Variants in EFHC1 observed in about 807,000 individuals in gnomAD.
The protein encoded by EFHC1 is EF-hand domain-containing protein 1.
A neutral mutation model predicts 69.9 loss-of-function variants in EFHC1; 53 were observed. That is an observed-to-expected ratio of 0.76 (90% CI 0.61 to 0.95). The LOEUF is 0.95. EFHC1 is among the 40% of genes least tolerant of loss of function. The pLI is 0.00. For missense variants in EFHC1, 739 were observed against 798.7 expected (o/e 0.93, Z 0.90); for synonymous variants, 256 against 278.4 (o/e 0.92, Z 0.80).
intron 7 of EFHC1, among the ~76,000 whole-genome samples, chr6:52,471,373 G>A (rs1562459418): frequency 6.6e-6 from 1 of 152,104 alleles, no homozygotes. Context: ...ACTGTCAGAA[G>A]CAAACAAATT....
chr6:52,461,156 A>G lies in EFHC1; in HGVS notation c.917-3739A>G, dbSNP rs140551819. Among the ~76,000 whole-genome samples the G allele has an allele frequency of 7.8e-3, 1,169 of 150,446 alleles. 16 individuals are homozygous for G. Among genetic ancestry groups the G allele is most frequent in the African/African-American group, 0.027 (1,086 of 39,938 alleles). ...CTTGTGTCATGCAGGTTTGTTGTAC[A>G]TTTTGTCTCCCAGGTATTAAGCCTA... On this transcript the variant is annotated intron_variant, in intron 5 of 10. Coordinates refer to ENST00000371068, the MANE Select transcript of EFHC1 (RefSeq NM_018100.4).
At chr6:52,476,850 G>A (rs1302588608) in intron 7 of EFHC1, among the ~76,000 whole-genome samples, 1 of 152,156 alleles carries the variant, frequency 6.6e-6, no homozygotes, top group Non-Finnish European at 1.5e-5. Context: ...AAGAGCATTT[G>A]TGAGAAACAG....
At chr6:52,455,886 A>G (rs1404592922) in intron 5 of EFHC1, among the ~76,000 whole-genome samples, 4 of 152,230 alleles carry the variant, frequency 2.6e-5, no homozygotes, top group African/African-American at 9.6e-5. Context: ...TTTGATTAAT[A>G]TACAGTAGTT....
intron 7 of EFHC1, among the ~76,000 whole-genome samples, chr6:52,478,254 T>G (rs542516829): frequency 6.6e-6 from 1 of 151,452 alleles, no homozygotes; most frequent in Non-Finnish European, 1.5e-5. Flanking sequence ...GAAGGGGAAT[T>G]TCACACTCTG....
In EFHC1 at chr6:52,448,882, A is replaced by G. The variant is rs368764306; in HGVS notation, c.574-3806A>G. Among the ~76,000 whole-genome samples, 33 of 152,186 alleles carry G rather than the reference A, an allele frequency of 2.2e-4. 1 individual carries two copies. The highest frequency in any genetic ancestry group is 7.7e-4 in the African/African-American group (32 of 41,520). On this transcript the variant is annotated intron_variant, in intron 3 of 10. Transcript: ENST00000371068. ...AATGAAGCCTACTTGATTGTGGTGG[A>G]TTACCTTTTTGATGTGCTTCTGGAT... is the stretch of plus-strand genomic sequence containing the variant.
intron 3 of EFHC1, among the ~76,000 whole-genome samples, chr6:52,452,430 A>C (rs1478539949): frequency 3.3e-5 from 5 of 152,128 alleles, no homozygotes; most frequent in Non-Finnish European, 7.3e-5. Context: ...CCTCCTGAGT[A>C]GCCTGGACTG....
At chr6:52,441,446 A>G (rs1017992667) in intron 3 of EFHC1, among the ~76,000 whole-genome samples, 1 of 151,956 alleles carries the variant, frequency 6.6e-6, no homozygotes, top group Non-Finnish European at 1.5e-5. Context: ...TCCCTATTCT[A>G]TTCCATTGGT....
At chr6:52,471,243 AGTCT>A (rs1765429753) in intron 7 of EFHC1, among the ~76,000 whole-genome samples, 1 of 152,210 alleles carries the variant, frequency 6.6e-6, no homozygotes, top group East Asian at 1.9e-4. Context: ...TCTGTGCTTA[AGTCT>A]GTCTGTAGCT....
intron 2 of EFHC1, among the ~76,000 whole-genome samples, chr6:52,434,869 T>C (rs914481557): frequency 2.0e-5 from 3 of 150,290 alleles, no homozygotes; most frequent in African/African-American, 7.4e-5. Context: ...GGTTAGCATA[T>C]TCTTTACCTG....
chr6:52,479,858 G>A (rs1765637178), intron 9 of EFHC1, 71 bp downstream of exon 9: 1 of 1,593,036 alleles, frequency 6.3e-7, no homozygotes, highest in Non-Finnish European at 8.5e-7. Flanking sequence ...AAACAAATGA[G>A]TAATCACATT....
rs557646109 is a variant in EFHC1, at chr6:52,476,029, C to T, written c.1279-3008C>T. Among the ~76,000 whole-genome samples, 3 of 152,174 alleles carry T rather than the reference C, an allele frequency of 2.0e-5. No individual in the cohort carries two copies. The South Asian group carries it at 6.2e-4, about 32-fold the overall frequency. The stretch of plus-strand genomic sequence containing the variant: ...GCTGAGGGAGCCAGCCAGGGGAATA[C>T]CTGAGAGAGCTTCATGTAAGACCGA... On this transcript the variant is annotated intron_variant, in intron 7 of 10. Coordinates refer to ENST00000371068, the MANE Select transcript of EFHC1 (RefSeq NM_018100.4).
intron 3 of EFHC1, among the ~76,000 whole-genome samples, chr6:52,443,421 G>T (rs576458903): frequency 7.8e-4 from 118 of 152,196 alleles, no homozygotes; most frequent in Middle Eastern, 3.4e-3. Flanking sequence ...ATGGTTTTAG[G>T]TCTAACATTT....
chr6:52,429,509 T>A (rs1475622456), intron 2 of EFHC1, among the ~76,000 whole-genome samples: 1 of 152,082 alleles, frequency 6.6e-6, no homozygotes, highest in Non-Finnish European at 1.5e-5. Context: ...CTGTAAGTAT[T>A]TGGCTTTATT....
rs1286750643 is a variant in EFHC1, at chr6:52,496,810, T to G, written c.*4469T>G. On this transcript the variant is annotated 3_prime_UTR_variant, in exon 11 of 11. Coordinates refer to ENST00000371068, the MANE Select transcript of EFHC1 (RefSeq NM_018100.4). ...CACTCACCTTCACCTCAAGCAAACATTTCCTCTTTCTCACACCCCATGGGT... is the reference window on the plus strand; with the variant it reads ...CACTCACCTTCACCTCAAGCAAACAGTTCCTCTTTCTCACACCCCATGGGT... 1 of 152,172 alleles carries G rather than the reference T, an allele frequency of 6.6e-6. No homozygotes were observed. Among genetic ancestry groups the G allele is most frequent in the Non-Finnish European group, 1.5e-5 (1 of 68,038 alleles). The allele number at this position is 152,172 out of a possible 1,614,324, so 9.4% of individuals were successfully genotyped here.
chr6:52,495,683 G>T lies in EFHC1; in HGVS notation c.*3342G>T. 1 of 434,390 alleles carries T rather than the reference G, an allele frequency of 2.3e-6. No individual in the cohort carries two copies. The highest frequency in any genetic ancestry group is 1.6e-5 in the South Asian group (1 of 60,698). 26.9% of individuals were successfully genotyped at this position (434,390 alleles called of 1,614,324 possible). On this transcript the variant is annotated 3_prime_UTR_variant, in exon 11 of 11. Coordinates refer to ENST00000371068, the MANE Select transcript of EFHC1 (RefSeq NM_018100.4). Reference sequence around the variant, plus strand: ...AGCTCACTGCAGCCTCAAACTCCTGGGCTCATGCAATCCTCCTGCCTCAGC... The same window carrying T: ...AGCTCACTGCAGCCTCAAACTCCTGTGCTCATGCAATCCTCCTGCCTCAGC...
At chr6:52,451,752 C>G (rs1273266184) in intron 3 of EFHC1, among the ~76,000 whole-genome samples, 1 of 152,208 alleles carries the variant, frequency 6.6e-6, no homozygotes, top group African/African-American at 2.4e-5. Context: ...TGCTTTCTCA[C>G]TGTCCCTTTC....
At chr6:52,445,814 T>C (rs1277513170) in intron 3 of EFHC1, among the ~76,000 whole-genome samples, 2 of 152,256 alleles carry the variant, frequency 1.3e-5, no homozygotes, top group Admixed American at 6.5e-5. Flanking sequence ...CATTTTGTCA[T>C]GTACCCAGTA....
At chr6:52,456,317 T>C (rs895558326) in intron 5 of EFHC1, among the ~76,000 whole-genome samples, 1 of 152,208 alleles carries the variant, frequency 6.6e-6, no homozygotes, top group Non-Finnish European at 1.5e-5. Flanking sequence ...GGGACTAATA[T>C]AGTAATTTTG....
intron 3 of EFHC1, among the ~76,000 whole-genome samples, chr6:52,448,455 C>A (rs915840887): frequency 6.6e-6 from 1 of 152,178 alleles, no homozygotes; most frequent in African/African-American, 2.4e-5. Flanking sequence ...TCCTGTTTTT[C>A]CAGATACTGT....
Sources: gnomAD v4.1 joint callset for allele counts (sites outside exome capture counted in the v4.1 genomes callset) on GRCh38, gnomAD v4.1.1 for gene constraint, MANE v1.5 for transcripts, NCBI Gene and HGNC (gene_info 2026-07-23, HGNC 2026-07-21) for gene names.